Variants in SLC22A23 observed in about 807,000 individuals in gnomAD.
SLC22A23 encodes the protein solute carrier family 22 member 23.
A neutral mutation model predicts 61.0 loss-of-function variants in SLC22A23; 26 were observed. That is an observed-to-expected ratio of 0.43 (90% CI 0.31 to 0.59). The LOEUF (loss-of-function observed/expected upper bound fraction) is 0.59, where lower values mean the gene tolerates loss of function less well. Ranked by LOEUF, SLC22A23 falls within the 20% of genes least tolerant of loss-of-function variation. SLC22A23 has a pLI of 0.11. For missense variants in SLC22A23, 796 were observed against 934.7 expected, an observed-to-expected ratio of 0.85 and a Z score of 1.94; for synonymous variants, 430 against 413.9, an observed-to-expected ratio of 1.04 and a Z score of -0.47.
chr6:3,294,248 AC>A (rs111574566), intron 5 of SLC22A23, among the ~76,000 whole-genome samples: 13,741 of 152,138 alleles, frequency 0.09, 885 homozygotes, highest in East Asian at 0.33. Flanking sequence ...CTGTCCAGTG[AC>A]TTTTTGCTTA....
intron 1 of SLC22A23, among the ~76,000 whole-genome samples, chr6:3,424,144 C>A (rs561536708): frequency 6.6e-6 from 1 of 152,316 alleles, no homozygotes; most frequent in South Asian, 2.1e-4. Context: ...CCAGGGGTGG[C>A]TGCCCCCACC....
chr6:3,276,375 C>T (rs1270150749), intron 9 of SLC22A23, among the ~76,000 whole-genome samples: 1 of 152,260 alleles, frequency 6.6e-6, no homozygotes, highest in Non-Finnish European at 1.5e-5. Context: ...AGGGCCTCCA[C>T]TCCAGGCCGC....
At chr6:3,401,842 G>C (rs1768413859) in intron 3 of SLC22A23, among the ~76,000 whole-genome samples, 1 of 152,144 alleles carries the variant, frequency 6.6e-6, no homozygotes, top group African/African-American at 2.4e-5. Context: ...CCTTGCTCCT[G>C]AACTTCTGAA....
At chr6:3,424,197 C>T (rs1382385141) in intron 1 of SLC22A23, among the ~76,000 whole-genome samples, 3 of 152,210 alleles carry the variant, frequency 2.0e-5, no homozygotes, top group African/African-American at 7.2e-5. Context: ...CCTGCCATGA[C>T]CCAGCCTTGC....
At chr6:3,423,034 ATT>A (rs35485498) in intron 1 of SLC22A23, among the ~76,000 whole-genome samples, 13 of 146,288 alleles carry the variant, frequency 8.9e-5, no homozygotes, top group African/African-American at 3.2e-4. Context: ...TTAAGCAACA[ATT>A]TTTTTTTTTG....
chr6:3,368,365 C>T (rs1001931418), intron 3 of SLC22A23, among the ~76,000 whole-genome samples: 12 of 152,104 alleles, frequency 7.9e-5, no homozygotes, highest in South Asian at 4.1e-4. Context: ...TTCAGGGATA[C>T]GGGAGGCCTC....
intron 3 of SLC22A23, among the ~76,000 whole-genome samples, chr6:3,398,894 T>C (rs1019077099): frequency 6.6e-6 from 1 of 152,074 alleles, no homozygotes; most frequent in African/African-American, 2.4e-5. Context: ...CCAGGCACGG[T>C]GGTGCATGCC....
chr6:3,339,839 T>C (rs1025608052), intron 3 of SLC22A23, among the ~76,000 whole-genome samples: 1 of 152,240 alleles, frequency 6.6e-6, no homozygotes, highest in African/African-American at 2.4e-5. Flanking sequence ...GCTCTGTCTA[T>C]GGAGTAGCCA....
At chr6:3,336,114 G>T (rs1763843964) in intron 3 of SLC22A23, among the ~76,000 whole-genome samples, 1 of 151,874 alleles carries the variant, frequency 6.6e-6, no homozygotes, top group Non-Finnish European at 1.5e-5. Flanking sequence ...GAGAAATCTG[G>T]ACTCTTCTCC....
In SLC22A23 at chr6:3,454,129, T is replaced by G. The variant is rs1282849834; in HGVS notation, c.654+1777A>C. Among the ~76,000 whole-genome samples, 2 of 152,152 alleles carry G rather than the reference T, an allele frequency of 1.3e-5. No homozygotes were observed. The highest frequency in any genetic ancestry group is 2.9e-5 in the Non-Finnish European group (2 of 68,034). ...TGTGTGTCTAATTATTGTTCCCAGGTTTCCCCTCTCAGTCTGGCCCAGTAA... is the reference window on the plus strand; with the variant it reads ...TGTGTGTCTAATTATTGTTCCCAGGGTTCCCCTCTCAGTCTGGCCCAGTAA... On this transcript the variant is annotated intron_variant, in intron 1 of 9. Transcript: ENST00000406686. The surrounding 1 kb of genome is among the most constrained non-coding windows in gnomAD (Gnocchi z 4.3).
intron 3 of SLC22A23, among the ~76,000 whole-genome samples, chr6:3,400,802 G>A (rs1406758198): frequency 1.3e-5 from 2 of 152,228 alleles, no homozygotes; most frequent in Non-Finnish European, 2.9e-5. Context: ...CTTTCAGTAT[G>A]GACACTGGAA....
intron 9 of SLC22A23, among the ~76,000 whole-genome samples, chr6:3,275,345 TAGCTC>T (rs1390213038): frequency 7.2e-5 from 11 of 152,332 alleles, no homozygotes; most frequent in Admixed American, 2.6e-4. Flanking sequence ...GTGCTTAACT[TAGCTC>T]AAACTATAAC....
chr6:3,436,776 T>A (rs1202949782), intron 1 of SLC22A23, among the ~76,000 whole-genome samples: 1 of 152,200 alleles, frequency 6.6e-6, no homozygotes, highest in Non-Finnish European at 1.5e-5. Context: ...ATCAGCTCAA[T>A]AAACATCTGA....
intron 4 of SLC22A23, among the ~76,000 whole-genome samples, chr6:3,321,291 T>G (rs1040292007): frequency 6.6e-6 from 1 of 152,198 alleles, no homozygotes; most frequent in Admixed American, 6.5e-5. Context: ...AGCCAGTCAC[T>G]AGGCCAGCTC....
chr6:3,318,595 G>A lies in SLC22A23; in HGVS notation c.1082+5239C>T, dbSNP rs375053130. Among the ~76,000 whole-genome samples, 2 of 152,124 alleles carry A rather than the reference G, an allele frequency of 1.3e-5. No individual in the cohort carries two copies. The highest frequency in any genetic ancestry group is 4.2e-4 in the South Asian group (2 of 4,818). ...CCCAGTGCTTCCCAGGAGGCCCTGTGTGGTCCTATGTACCCCTTCCTCCTG... is the reference window on the plus strand; with the variant it reads ...CCCAGTGCTTCCCAGGAGGCCCTGTATGGTCCTATGTACCCCTTCCTCCTG... On this transcript the variant is annotated intron_variant, in intron 4 of 9. Coordinates refer to ENST00000406686, the MANE Select transcript of SLC22A23 (RefSeq NM_015482.2). The surrounding 1 kb of genome is among the most constrained non-coding windows in gnomAD (Gnocchi z 4.3).
intron 3 of SLC22A23, among the ~76,000 whole-genome samples, chr6:3,407,779 G>C (rs1039244318): frequency 3.9e-5 from 6 of 152,152 alleles, no homozygotes; most frequent in African/African-American, 1.4e-4. Context: ...TTTATGCCCT[G>C]CTTTATTGCA....
chr6:3,312,860 C>G (rs1424510819), intron 4 of SLC22A23: 1 of 152,380 alleles, frequency 6.6e-6, no homozygotes, highest in Non-Finnish European at 1.5e-5. Flanking sequence ...CACACATGCA[C>G]ACACAGATGC....
At chr6:3,306,723 C>T (rs1761997421) in intron 4 of SLC22A23, among the ~76,000 whole-genome samples, 1 of 152,132 alleles carries the variant, frequency 6.6e-6, no homozygotes, top group African/African-American at 2.4e-5. Context: ...CTCCACTCAC[C>T]CTCCAAGACC....
chr6:3,342,954 T>G lies in SLC22A23; in HGVS notation c.914-18952A>C, dbSNP rs759919599. ...TAGGATTTCAAGAGACAAGAAATAG[T>G]GGGAAATGACAGAGAAATACACGGG... On this transcript the variant is annotated intron_variant, in intron 3 of 9. Coordinates refer to ENST00000406686, the MANE Select transcript of SLC22A23 (RefSeq NM_015482.2). This position sits in a 1 kb window ranked among gnomAD's most constrained non-coding sequence, Gnocchi z 4.0. Among the ~76,000 whole-genome samples the G allele has an allele frequency of 6.6e-6, 1 of 152,098 alleles. No homozygotes were observed. Among genetic ancestry groups the G allele is most frequent in the East Asian group, 1.9e-4 (1 of 5,202 alleles).
Sources: allele counts gnomAD v4.1 joint callset (sites outside exome capture counted in the v4.1 genomes callset), GRCh38; gene constraint gnomAD v4.1.1; non-coding constraint Gnocchi (gnomAD v3.1); transcripts MANE v1.5; gene names NCBI Gene and HGNC (gene_info 2026-07-23, HGNC 2026-07-21).